DHRS3: variants seen among roughly 807,000 people sequenced by gnomAD.
DHRS3 encodes short-chain dehydrogenase/reductase 3.
A neutral mutation model predicts 27.2 loss-of-function variants in DHRS3; 14 were observed. The observed-to-expected ratio is 0.52, with a 90% CI of 0.34 to 0.81. The LOEUF (loss-of-function observed/expected upper bound fraction) is 0.81, where lower values mean the gene tolerates loss of function less well. Among genes scored for constraint, DHRS3 ranks in the 30% least tolerant of loss-of-function variants. The pLI is 0.01. For synonymous variants in DHRS3, 165 were observed against 175.9 expected, an observed-to-expected ratio of 0.94 and a Z score of 0.49; for missense variants, 322 against 406.2, an observed-to-expected ratio of 0.79 and a Z score of 1.78.
chr1:12,597,541 G>A (rs558387416), intron 1 of DHRS3, among the ~76,000 whole-genome samples: 3 of 152,344 alleles, frequency 2.0e-5, no homozygotes, highest in African/African-American at 7.2e-5. Context: ...ACTATCTGAA[G>A]TGATGGTGGT....
chr1:12,605,175 C>A (rs2100715106), intron 1 of DHRS3, among the ~76,000 whole-genome samples: 1 of 151,728 alleles, frequency 6.6e-6, no homozygotes, highest in South Asian at 2.1e-4. Context: ...ACCATCGTCA[C>A]ACACATTGTC....
chr1:12,596,891 C>T (rs1171162753), intron 1 of DHRS3, among the ~76,000 whole-genome samples: 1 of 152,126 alleles, frequency 6.6e-6, no homozygotes, highest in Non-Finnish European at 1.5e-5. Context: ...CCAAGGCTGC[C>T]CTTCTCCTCA....
chr1:12,612,449 A>T (rs1235746481), intron 1 of DHRS3, among the ~76,000 whole-genome samples: 2 of 152,162 alleles, frequency 1.3e-5, no homozygotes, highest in Non-Finnish European at 2.9e-5. Context: ...CCAGCCAGGT[A>T]GAGCTTTTGA....
chr1:12,608,092 G>A lies in DHRS3; in HGVS notation c.195+9062C>T, dbSNP rs1646882976. Among the ~76,000 whole-genome samples, 1 of 152,122 alleles carries A rather than the reference G, an allele frequency of 6.6e-6. No individual in the cohort carries two copies. Among genetic ancestry groups the A allele is most frequent in the Non-Finnish European group, 1.5e-5 (1 of 68,020 alleles). ...GGGTCTCATCCCGTTGGACAGGCTGGTCTCGAACTCCTGACGTCAAGTGAT... is the reference window on the plus strand; with the variant it reads ...GGGTCTCATCCCGTTGGACAGGCTGATCTCGAACTCCTGACGTCAAGTGAT... On this transcript the variant is annotated intron_variant, in intron 1 of 5. Transcript: ENST00000616661. This position sits in a 1 kb window ranked among gnomAD's most constrained non-coding sequence, Gnocchi z 4.1.
At position 12,577,728 on chromosome 1, in the gene DHRS3, C is replaced by T. The variant is rs112556489; in HGVS notation, c.698+990G>A. On this transcript the variant is annotated intron_variant, in intron 4 of 5. Transcript: ENST00000616661. ...ATCCCAGCTACTCGGGAGGCTGAGG[C>T]AGGAGAATCACTTGAACCCAGGAGG... Among the ~76,000 whole-genome samples the T allele has an allele frequency of 8.4e-4, 128 of 152,234 alleles. 1 individual carries two copies. The highest frequency in any genetic ancestry group is 3.0e-3 in the African/African-American group (124 of 41,562).
intron 4 of DHRS3, 41 bp from the exon 5 acceptor site, chr1:12,572,894 G>A (rs1646551948): frequency 6.5e-7 from 1 of 1,537,574 alleles, no homozygotes; most frequent in South Asian, 1.2e-5. Flanking sequence ...TCCTGGAGAG[G>A]CATGTGCTTA....
intron 5 of DHRS3, 96 bp from the exon 6 acceptor site, chr1:12,568,520 G>T: frequency 3.3e-6 from 4 of 1,210,240 alleles, no homozygotes; most frequent in Non-Finnish European, 4.9e-6. Flanking sequence ...GCAGCAGAGG[G>T]CTGGTTCCTG....
At chr1:12,568,510 G>A in intron 5 of DHRS3, 86 bp from the exon 6 acceptor site, 2 of 1,283,496 alleles carry the variant, frequency 1.6e-6, no homozygotes, top group South Asian at 2.4e-5. Context: ...GTGAGACGGG[G>A]CAGCAGAGGG....
In DHRS3 at chr1:12,593,054, G is replaced by A. The variant is rs1646759650; in HGVS notation, c.196-12388C>T. ...AAAAGGTCACTTGGCTGCTACCTTT[G>A]CCCCAGGGCCCCTGCCTCAGTCTGT... On this transcript the variant is annotated intron_variant, in intron 1 of 5. Coordinates refer to ENST00000616661, the MANE Select transcript of DHRS3 (RefSeq NM_004753.7). The surrounding 1 kb of genome is among the most constrained non-coding windows in gnomAD (Gnocchi z 4.6). Among the ~76,000 whole-genome samples, 2 of 152,126 alleles carry A rather than the reference G, an allele frequency of 1.3e-5. No individual in the cohort carries two copies. The highest frequency in any genetic ancestry group is 2.9e-5 in the Non-Finnish European group (2 of 68,024).
chr1:12,594,161 A>G lies in DHRS3; in HGVS notation c.196-13495T>C, dbSNP rs1201753119. On this transcript the variant is annotated intron_variant, in intron 1 of 5. Transcript: ENST00000616661. This position sits in a 1 kb window ranked among gnomAD's most constrained non-coding sequence, Gnocchi z 4.1. ...AGCACACATCTCCAGATTACTGTCC[A>G]CCGGGGTGGGATTCAAATTTGGACA... Among the ~76,000 whole-genome samples the G allele has an allele frequency of 1.3e-5, 2 of 152,206 alleles. No individual in the cohort carries two copies. Among genetic ancestry groups the G allele is most frequent in the Non-Finnish European group, 2.9e-5 (2 of 68,042 alleles).
At chr1:12,572,591 C>T (rs917904735) in intron 5 of DHRS3, 137 bp downstream of exon 5, 19 of 1,370,660 alleles carry the variant, frequency 1.4e-5, no homozygotes, top group Non-Finnish European at 1.8e-5. Context: ...AGTTTGAGAA[C>T]TGCTGCCCCA....
intron 5 of DHRS3, among the ~76,000 whole-genome samples, chr1:12,570,627 G>GA (rs1377951011): frequency 1.3e-4 from 20 of 152,252 alleles, no homozygotes; most frequent in Admixed American, 7.2e-4. Context: ...GAAGGCTGAG[G>GA]GCTTACTGTG....
chr1:12,617,853 T>C lies in DHRS3; in HGVS notation c.-505A>G, dbSNP rs1317338012. On this transcript the variant is annotated 5_prime_UTR_variant, in exon 1 of 6. Transcript: ENST00000616661. ...TTGTAGCGCCCCCACCCCCACCCCG[T>C]CTCCAGAAAAAAAAAAAAAAAAAAA... is the stretch of plus-strand genomic sequence containing the variant. 0.018 allele frequency: 117 copies of C among 6,494 alleles called. No individual in the cohort carries two copies. Among genetic ancestry groups the C allele is most frequent in the African/African-American group, 0.022 (31 of 1,422 alleles). The allele number at this position is 6,494 out of a possible 1,614,324, so 0.4% of individuals were successfully genotyped here. A position where few individuals can be genotyped will look rare whatever the true frequency, so the allele number is the denominator to read the frequency against.
rs940000464 is a variant in DHRS3 at position 12,591,666 on chromosome 1, G to A, written c.196-11000C>T. ...GTCTAGTCCTCTGTCAGCTCAGAAG[G>A]GCTCATACCCGAGAAAACTGATACA... On this transcript the variant is annotated intron_variant, in intron 1 of 5. Transcript: ENST00000616661. The surrounding 1 kb of genome is among the most constrained non-coding windows in gnomAD (Gnocchi z 4.1). Among the ~76,000 whole-genome samples the A allele has an allele frequency of 5.9e-5, 9 of 152,354 alleles. No individual in the cohort carries two copies. Among genetic ancestry groups the A allele is most frequent in the African/African-American group, 1.7e-4 (7 of 41,584 alleles).
chr1:12,582,271 G>A (rs1646650957), intron 1 of DHRS3, among the ~76,000 whole-genome samples: 1 of 152,144 alleles, frequency 6.6e-6, no homozygotes, highest in South Asian at 2.1e-4. Context: ...CCTAGCTGGC[G>A]GCTCTCAGAA....
At position 12,617,256 on chromosome 1, in the gene DHRS3, G is replaced by A. The variant is rs1235442475; in HGVS notation, c.93C>T (p.Ala31=). The A allele has an allele frequency of 6.2e-7, 1 of 1,613,812 alleles. No individual in the cohort carries two copies. The highest frequency in any genetic ancestry group is 1.7e-5 in the Admixed American group (1 of 60,030). Reference sequence around the variant, plus strand: ...TCTCCCGCGACAGGTCCCGCAGCTTGGCGGGCAGCACCAGTCCGACGGCTG... The same window carrying A: ...TCTCCCGCGACAGGTCCCGCAGCTTAGCGGGCAGCACCAGTCCGACGGCTG... ...VKAAVGLVLP[A]KLRDLSRENV... The change falls in exon 1 of 6, where the codon GCC becomes GCT. Residue 31 remains alanine, a synonymous_variant. Transcript: ENST00000616661.
intron 5 of DHRS3, among the ~76,000 whole-genome samples, chr1:12,569,157 C>T (rs1014292808): frequency 4.0e-5 from 6 of 151,386 alleles, no homozygotes; most frequent in African/African-American, 9.7e-5. Flanking sequence ...GCGGAGGTTT[C>T]GGTGGGCCGA....
At chr1:12,572,451 T>C (rs902999420) in intron 5 of DHRS3, among the ~76,000 whole-genome samples, 3 of 152,238 alleles carry the variant, frequency 2.0e-5, no homozygotes, top group Admixed American at 2.0e-4. Context: ...ATTACAGGCG[T>C]GAGCCACTGC....
chr1:12,590,403 T>C (rs1423151931), intron 1 of DHRS3, among the ~76,000 whole-genome samples: 1 of 152,180 alleles, frequency 6.6e-6, no homozygotes, highest in Non-Finnish European at 1.5e-5. Context: ...CTTCACCTCC[T>C]GGGTTCCAGC....
Sources: gnomAD v4.1 joint callset for allele counts (sites outside exome capture counted in the v4.1 genomes callset) on GRCh38, gnomAD v4.1.1 for gene constraint, Gnocchi (gnomAD v3.1) non-coding constraint, MANE v1.5 for transcripts, NCBI Gene and HGNC (gene_info 2026-07-23, HGNC 2026-07-21) for gene names.